The following FAM227B variants were observed in gnomAD, a reference collection of about 807,000 sequenced individuals.
The protein encoded by FAM227B is protein FAM227B.
In FAM227B, 88 loss-of-function variants were observed where a neutral mutation model predicts 73.8. The observed-to-expected ratio is 1.19, with a 90% CI of 1.00 to 1.42. The LOEUF is 1.42. Ranked by LOEUF, FAM227B falls within the 40% of genes most tolerant of loss-of-function variation. FAM227B has a pLI of 0.00. For missense variants in FAM227B, 632 were observed against 590.9 expected, an observed-to-expected ratio of 1.07 and a Z score of -0.72; for synonymous variants, 210 against 190.5, an observed-to-expected ratio of 1.10 and a Z score of -0.84.
intron 10 of FAM227B, among the ~76,000 whole-genome samples, chr15:49,512,709 T>G (rs748257752): frequency 6.6e-6 from 1 of 152,162 alleles, no homozygotes; most frequent in Non-Finnish European, 1.5e-5. Context: ...AAGCCCTGCA[T>G]GCATTAGCTA....
intron 11 of FAM227B, among the ~76,000 whole-genome samples, chr15:49,458,622 T>C (rs1248044862): frequency 1.3e-5 from 2 of 152,130 alleles, no homozygotes; most frequent in African/African-American, 2.4e-5. Context: ...GAGGGAACTT[T>C]ATGTTCCCAT....
chr15:49,371,443 T>A (rs2045798990), intron 11 of FAM227B, 44 bp from the exon 12 acceptor site: 1 of 1,256,882 alleles, frequency 8.0e-7, no homozygotes, highest in Non-Finnish European at 1.1e-6. Flanking sequence ...TGGTATTTTT[T>A]TCCTTCACAG....
chr15:49,578,563 T>C (rs887731543), intron 5 of FAM227B, among the ~76,000 whole-genome samples: 14 of 152,134 alleles, frequency 9.2e-5, no homozygotes, highest in African/African-American at 3.4e-4. Context: ...ACACACACAA[T>C]ACCACACATA....
chr15:49,606,964 T>A lies in FAM227B; in HGVS notation c.105+4251A>T, dbSNP rs79242668. ...GTCAACATAATTAAAAGTTTATGAA[T>A]AAGAGAATACTTTTTGGGATGGTGG... On this transcript the variant is annotated intron_variant, in intron 3 of 15. Transcript: ENST00000299338. 4.7e-3 allele frequency among the ~76,000 whole-genome samples: 713 copies of A among 152,310 alleles called. 8 individuals are homozygous for A. The highest frequency in any genetic ancestry group is 0.016 in the African/African-American group (675 of 41,566).
At chr15:49,360,151 A>G (rs1198084882) in intron 13 of FAM227B, among the ~76,000 whole-genome samples, 1 of 150,878 alleles carries the variant, frequency 6.6e-6, no homozygotes, top group Non-Finnish European at 1.5e-5. Context: ...ATGACAAGTT[A>G]GTGGGTGCAG....
At chr15:49,543,708 T>TCAG (rs2071408897) in intron 9 of FAM227B, among the ~76,000 whole-genome samples, 1 of 152,174 alleles carries the variant, frequency 6.6e-6, no homozygotes, top group African/African-American at 2.4e-5. Flanking sequence ...GCTTTATTCT[T>TCAG]CTACATGTGG....
At chr15:49,507,201 C>A (rs1043089802) in intron 11 of FAM227B, among the ~76,000 whole-genome samples, 1 of 151,626 alleles carries the variant, frequency 6.6e-6, no homozygotes, top group Non-Finnish European at 1.5e-5. Context: ...ATATATACTG[C>A]GATAAGAATA....
intron 1 of FAM227B, among the ~76,000 whole-genome samples, chr15:49,619,143 T>C (rs1415645428): frequency 2.0e-5 from 3 of 152,070 alleles, no homozygotes; most frequent in African/African-American, 7.2e-5. Context: ...TGCCTAGAAA[T>C]AGCCACAATG....
Position 49,508,457 on chromosome 15 carries a change from A to C in FAM227B, c.875-109T>G, listed in dbSNP as rs975181940. On this transcript the variant is annotated intron_variant, in intron 10 of 15. Coordinates refer to ENST00000299338, the MANE Select transcript of FAM227B (RefSeq NM_152647.3). ...TTATACATTTCATCCTCACAACAAA[A>C]AAGTTCCTTTTTTGTTCCTTTTAAG... is the stretch of plus-strand genomic sequence containing the variant. 19 of 1,027,082 alleles carry C rather than the reference A, an allele frequency of 1.8e-5. 1 individual carries two copies. In the African/African-American group the frequency reaches 3.2e-4, roughly 17 times the overall value. The allele number at this position is 1,027,082 out of a possible 1,614,324, so 63.6% of individuals were successfully genotyped here.
chr15:49,344,435 G>T (rs992477104), intron 13 of FAM227B, among the ~76,000 whole-genome samples: 2 of 152,084 alleles, frequency 1.3e-5, no homozygotes, highest in African/African-American at 4.8e-5. Flanking sequence ...CTATTTCTCT[G>T]GTAATATAGC....
chr15:49,453,908 G>T (rs11070693), intron 11 of FAM227B, among the ~76,000 whole-genome samples: 1 of 151,928 alleles, frequency 6.6e-6, no homozygotes, highest in Non-Finnish European at 1.5e-5. Context: ...TGGAAGCCTT[G>T]CATTCCTCCA....
chr15:49,437,818 C>G (rs571905732), intron 11 of FAM227B, among the ~76,000 whole-genome samples: 1 of 151,716 alleles, frequency 6.6e-6, no homozygotes, highest in African/African-American at 2.4e-5. Flanking sequence ...ACCAAAGAGT[C>G]AATTTCAGTA....
At chr15:49,593,652 T>C (rs772792216) in intron 3 of FAM227B, among the ~76,000 whole-genome samples, 1 of 152,058 alleles carries the variant, frequency 6.6e-6, no homozygotes, top group Non-Finnish European at 1.5e-5. Context: ...TGTGTCCTCA[T>C]AGCTTAGCTG....
intron 11 of FAM227B, chr15:49,424,535 G>A (rs1428834333): frequency 1.2e-6 from 2 of 1,605,740 alleles, no homozygotes; most frequent in Non-Finnish European, 1.7e-6. Context: ...CCTGAGGATC[G>A]ATAAAAGAGG....
chr15:49,402,795 G>T (rs553818737), intron 11 of FAM227B, among the ~76,000 whole-genome samples: 64 of 152,152 alleles, frequency 4.2e-4, no homozygotes, highest in South Asian at 4.0e-3. Context: ...TGATTGCCCT[G>T]GCCAGAGCTT....
At chr15:49,463,357 C>A (rs1031547414) in intron 11 of FAM227B, among the ~76,000 whole-genome samples, 14 of 152,066 alleles carry the variant, frequency 9.2e-5, no homozygotes, top group African/African-American at 3.4e-4. Context: ...GGTTCAAGAC[C>A]AGCCTGGCCA....
chr15:49,609,343 G>T (rs1264263903), intron 3 of FAM227B, among the ~76,000 whole-genome samples: 1 of 151,548 alleles, frequency 6.6e-6, no homozygotes, highest in Non-Finnish European at 1.5e-5. Flanking sequence ...AGGAGTAGAT[G>T]ATATAAAATA....
At chr15:49,470,617 TA>T (rs2054653784) in intron 11 of FAM227B, among the ~76,000 whole-genome samples, 1 of 152,232 alleles carries the variant, frequency 6.6e-6, no homozygotes, top group East Asian at 1.9e-4. Flanking sequence ...TTGACTTCTC[TA>T]ACTTCTTTTG....
chr15:49,331,782 G>T lies in FAM227B; in HGVS notation c.1417C>A (p.Leu473Met). 6.3e-7 allele frequency: 1 copy of T among 1,586,108 alleles called. No individual in the cohort carries two copies. The highest frequency in any genetic ancestry group is 8.7e-7 in the Non-Finnish European group (1 of 1,154,702). The change falls in exon 15 of 16, where the codon CTG becomes ATG. Residue 473 changes from leucine (L) to methionine (M), a missense_variant and splice_region_variant. Coordinates refer to ENST00000299338, the MANE Select transcript of FAM227B (RefSeq NM_152647.3). The part of the protein sequence containing the change: ...KQDFEKFLHK[L>M]RSEAEIEREC... ...TTATTTTCAGAAAGAAAACCTACCA[G>T]TTTATGTAGGAACTTCTCAAAGTCC...
Sources: allele counts gnomAD v4.1 joint callset (sites outside exome capture counted in the v4.1 genomes callset), GRCh38; gene constraint gnomAD v4.1.1; transcripts MANE v1.5; gene names NCBI Gene and HGNC (gene_info 2026-07-23, HGNC 2026-07-21).